The following PDE6G variants were observed in gnomAD, a reference collection of about 807,000 sequenced individuals.
The protein encoded by PDE6G is phosphodiesterase 6G.
PDE6G carries 10 observed loss-of-function variants against 10.9 expected under a neutral mutation model. The ratio of observed to expected loss-of-function variants is 0.91; its 90% CI spans 0.56 to 1.55. PDE6G has a LOEUF of 1.55. PDE6G is among the 40% of genes most tolerant of loss of function. The probability of loss-of-function intolerance (pLI) is 0.00; values close to 1 mark genes in which losing one functional copy is unlikely to be tolerated. For synonymous variants in PDE6G, 41 were observed against 42.8 expected, an observed-to-expected ratio of 0.96 and a Z score of 0.16; for missense variants, 102 against 110.1, an observed-to-expected ratio of 0.93 and a Z score of 0.33.
At chr17:81,660,509 C>G (rs183042527), upstream of PDE6G, among the ~76,000 whole-genome samples, 2 of 152,326 alleles carry the variant, frequency 1.3e-5, no homozygotes, top group East Asian at 3.9e-4. Context: ...CCCAAAGCGG[C>G]TGTGTATAAA....
intron 1 of PDE6G, among the ~76,000 whole-genome samples, chr17:81,654,473 G>A (rs571798384): frequency 3.4e-5 from 5 of 146,944 alleles, no homozygotes; most frequent in African/African-American, 1.0e-4. Flanking sequence ...TCTGCCTCCC[G>A]GGTTCAAGTA....
exon 1 of PDE6G, chr17:81,663,077 G>A (rs1392084206): frequency 2.6e-5 from 4 of 152,250 alleles, no homozygotes; most frequent in African/African-American, 9.6e-5. Context: ...TTCTTGCTGA[G>A]AAAAGTGCGT....
rs1019211259 is a variant in PDE6G, at chr17:81,653,993, A to G, written c.-59-629T>C. 8.6e-5 allele frequency among the ~76,000 whole-genome samples: 13 copies of G among 152,012 alleles called. No homozygotes were observed. The highest frequency in any genetic ancestry group is 1.8e-4 in the Non-Finnish European group (12 of 68,000). On this transcript the variant is annotated intron_variant, in intron 1 of 3. Coordinates refer to ENST00000331056, the MANE Select transcript of PDE6G (RefSeq NM_002602.4). The surrounding 1 kb of genome is among the most constrained non-coding windows in gnomAD (Gnocchi z 5.2). The stretch of plus-strand genomic sequence containing the variant: ...GCCCGGCTAATCTTTGCATTTTTGC[A>G]TTTTTAGTAGAGACGGGGTTTCACC...
upstream of PDE6G, among the ~76,000 whole-genome samples, chr17:81,660,897 T>C (rs1351059333): frequency 6.6e-6 from 1 of 152,186 alleles, no homozygotes; most frequent in Admixed American, 6.5e-5. Context: ...AGTGCTCATG[T>C]TGAACTATGA....
chr17:81,650,735 C>G lies in PDE6G; in HGVS notation c.*339G>C, dbSNP rs1366205062. 2 of 465,096 alleles carry G rather than the reference C, an allele frequency of 4.3e-6. No individual in the cohort carries two copies. The highest frequency in any genetic ancestry group is 8.6e-6 in the Non-Finnish European group (2 of 233,704). The allele number at this position is 465,096 out of a possible 1,614,324, so 28.8% of individuals were successfully genotyped here. A position where few individuals can be genotyped will look rare whatever the true frequency, so the allele number is the denominator to read the frequency against. ...TAGCTTTCCAGCTGGGAGGAGGGGA[C>G]GATCTGGGGTCCAGCAGGCTCCCGG... On this transcript the variant is annotated 3_prime_UTR_variant, in exon 4 of 4. Coordinates refer to ENST00000331056, the MANE Select transcript of PDE6G (RefSeq NM_002602.4).
At chr17:81,654,992 C>G (rs984044692) in intron 1 of PDE6G, among the ~76,000 whole-genome samples, 1 of 148,004 alleles carries the variant, frequency 6.8e-6, no homozygotes, top group Non-Finnish European at 1.5e-5. Flanking sequence ...CTCCTGACCT[C>G]GTGATCCACC....
chr17:81,662,566 T>G (rs1364723852), intron 1 of PDE6G, among the ~76,000 whole-genome samples: 1 of 151,244 alleles, frequency 6.6e-6, no homozygotes, highest in African/African-American at 2.4e-5. Context: ...GAGGTTGTGG[T>G]GAGCCGAGAT....
At chr17:81,657,716 T>C (rs914945680), upstream of PDE6G, among the ~76,000 whole-genome samples, 5 of 151,718 alleles carry the variant, frequency 3.3e-5, no homozygotes, top group East Asian at 9.8e-4. Context: ...CCGACTCTAC[T>C]AAAAATACAA....
chr17:81,660,650 C>G (rs2036501722), upstream of PDE6G, among the ~76,000 whole-genome samples: 1 of 152,164 alleles, frequency 6.6e-6, no homozygotes, highest in South Asian at 2.1e-4. Context: ...CACCACCACA[C>G]CCGGCTAATT....
In PDE6G at chr17:81,653,114, G is replaced by C; in HGVS notation, c.146+46C>G. The stretch of plus-strand genomic sequence containing the variant: ...CCCTCCCCTTCCTGTGCAGCCTCAG[G>C]ACCGCCTCCTCCCTTTCAGAGGCCC... On this transcript the variant is annotated intron_variant, in intron 2 of 3. Transcript: ENST00000331056. This position sits in a 1 kb window ranked among gnomAD's most constrained non-coding sequence, Gnocchi z 5.2. 1 of 1,610,118 alleles carries C rather than the reference G, an allele frequency of 6.2e-7. No individual in the cohort carries two copies. The highest frequency in any genetic ancestry group is 1.1e-5 in the South Asian group (1 of 90,946).
chr17:81,652,934 C>G lies in PDE6G; in HGVS notation c.146+226G>C, dbSNP rs549850902. Among the ~76,000 whole-genome samples the G allele has an allele frequency of 9.9e-5, 15 of 152,054 alleles. 1 individual carries two copies. The East Asian group carries it at 2.9e-3, about 30-fold the overall frequency. ...GGCCGGCAGTGGCTGTATTTTCAAGCATGGTTGGCAGTAGCATCTGGAGCG... is the reference window on the plus strand; with the variant it reads ...GGCCGGCAGTGGCTGTATTTTCAAGGATGGTTGGCAGTAGCATCTGGAGCG... On this transcript the variant is annotated intron_variant, in intron 2 of 3. Transcript: ENST00000331056.
chr17:81,654,472 C>T (rs183877596), intron 1 of PDE6G, among the ~76,000 whole-genome samples: 4 of 150,990 alleles, frequency 2.6e-5, no homozygotes, highest in Admixed American at 6.6e-5. Flanking sequence ...TTCTGCCTCC[C>T]GGGTTCAAGT....
At chr17:81,660,876 T>G (rs62080199), upstream of PDE6G, among the ~76,000 whole-genome samples, 14,603 of 152,300 alleles carry the variant, frequency 0.096, 917 homozygotes, top group Middle Eastern at 0.19. Flanking sequence ...CTGGGGTCTT[T>G]AATTACTTCA....
Position 81,651,665 on chromosome 17 carries a change from C to A in PDE6G, c.167G>T (p.Gly56Val). The A allele has an allele frequency of 1.9e-6, 3 of 1,614,042 alleles. No individual in the cohort carries two copies. The highest frequency in any genetic ancestry group is 1.6e-4 in the Middle Eastern group (1 of 6,062). Residue 56 changes from glycine to valine, a missense_variant, in exon 3 of 4, where the codon GGA (glycine) becomes GTA (valine). Physicochemically the swap from Gly to Val is moderately radical, Grantham distance 109. Coordinates refer to ENST00000331056, the MANE Select transcript of PDE6G (RefSeq NM_002602.4). This position sits in a 1 kb window ranked among gnomAD's most constrained non-coding sequence, Gnocchi z 4.8. ...CATACCTGTTCCCAGGCCTTCCATT[C>A]CAGGGATGTCGTCCCCAAACCTGCA... The part of the protein sequence containing the change: ...GVQGFGDDIP[G>V]MEGLGTDITV...
At chr17:81,658,627 G>A (rs938875829), upstream of PDE6G, among the ~76,000 whole-genome samples, 28 of 152,024 alleles carry the variant, frequency 1.8e-4, no homozygotes, top group African/African-American at 6.3e-4. Context: ...GATTACTTGA[G>A]ATCAGGAGTT....
chr17:81,650,751 A>G lies in PDE6G; in HGVS notation c.*323T>C. 2.1e-6 allele frequency: 1 copy of G among 477,730 alleles called. No homozygotes were observed. Among genetic ancestry groups the G allele is most frequent in the South Asian group, 1.6e-5 (1 of 63,182 alleles). The allele number at this position is 477,730 out of a possible 1,614,324, so 29.6% of individuals were successfully genotyped here. ...AGGAGGGGACGATCTGGGGTCCAGC[A>G]GGCTCCCGGGCTGGGGTCCACTTCC... On this transcript the variant is annotated 3_prime_UTR_variant, in exon 4 of 4. Transcript: ENST00000331056.
Position 81,653,067 on chromosome 17 carries a change from A to G in PDE6G, c.146+93T>C. ...GAGGCTGGGACCACTCACCCAGTGA[A>G]GTGGCCCCAGGCTCTGCCCCGCCCT... On this transcript the variant is annotated intron_variant, in intron 2 of 3. Transcript: ENST00000331056. The surrounding 1 kb of genome is among the most constrained non-coding windows in gnomAD (Gnocchi z 5.2). 2.1e-6 allele frequency: 3 copies of G among 1,430,622 alleles called. No individual in the cohort carries two copies. The highest frequency in any genetic ancestry group is 2.3e-5 in the East Asian group (1 of 43,900). 88.6% of individuals were successfully genotyped at this position (1,430,622 alleles called of 1,614,324 possible).
chr17:81,657,388 G>A (rs1170552136), upstream of PDE6G, among the ~76,000 whole-genome samples: 1 of 152,216 alleles, frequency 6.6e-6, no homozygotes, highest in Admixed American at 6.5e-5. Flanking sequence ...CCACAACCCA[G>A]AGCTAACATT....
In PDE6G at chr17:81,653,266, T is replaced by G; in HGVS notation, c.40A>C (p.Thr14Pro). The G allele has an allele frequency of 1.2e-6, 2 of 1,614,068 alleles. No individual in the cohort carries two copies. The highest frequency in any genetic ancestry group is 1.7e-6 in the Non-Finnish European group (2 of 1,179,990). Residue 14 changes from threonine to proline, a missense_variant, in exon 2 of 4, where the codon ACC (threonine) becomes CCC (proline). Thr to Pro is a conservative substitution (Grantham distance 38). Transcript: ENST00000331056. The surrounding 1 kb of genome is among the most constrained non-coding windows in gnomAD (Gnocchi z 5.2). ...GTGACAGGTCCCCCGGCCACCCTGG[T>G]GGCTGACCGGAACTCAGCCTTGGGC... ...EPPKAEFRSA[T>P]RVAGGPVTPR...
Sources: gnomAD v4.1 joint callset for allele counts (sites outside exome capture counted in the v4.1 genomes callset) on GRCh38, gnomAD v4.1.1 for gene constraint, Gnocchi (gnomAD v3.1) non-coding constraint, MANE v1.5 for transcripts, NCBI Gene and HGNC (gene_info 2026-07-23, HGNC 2026-07-21) for gene names.